The following GRM8 variants were observed in gnomAD, a reference collection of about 807,000 sequenced individuals.
The protein encoded by GRM8 is glutamate metabotropic receptor 8, also known as metabotropic glutamate receptor 8.
GRM8 carries 47 observed loss-of-function variants against 87.2 expected under a neutral mutation model. The ratio of observed to expected loss-of-function variants is 0.54; its 90% CI spans 0.43 to 0.69. GRM8 has a LOEUF of 0.69. Ranked by LOEUF, GRM8 falls within the 30% of genes least tolerant of loss-of-function variation. The pLI, the probability that GRM8 is intolerant of heterozygous loss-of-function variation, is 0.00. For missense variants in GRM8, 1,019 were observed against 1,139.2 expected (o/e 0.89, Z 1.52); for synonymous variants, 396 against 404.5 (o/e 0.98, Z 0.25).
chr7:126,478,639 A>G (rs536382520), intron 9 of GRM8, among the ~76,000 whole-genome samples: 2 of 152,272 alleles, frequency 1.3e-5, no homozygotes, highest in East Asian at 3.9e-4. Context: ...ATTGTCTTCA[A>G]AGTAGCCAAA....
At chr7:126,487,171 T>C (rs1734330951) in intron 9 of GRM8, among the ~76,000 whole-genome samples, 1 of 152,080 alleles carries the variant, frequency 6.6e-6, no homozygotes, top group South Asian at 2.1e-4. Context: ...ATATCTTTAG[T>C]TAGTGGCTTA....
At chr7:126,642,127 G>A (rs1434225048) in intron 7 of GRM8, among the ~76,000 whole-genome samples, 1 of 152,134 alleles carries the variant, frequency 6.6e-6, no homozygotes, top group Admixed American at 6.6e-5. Flanking sequence ...CTTCATTATT[G>A]TTACTATATC....
intron 6 of GRM8, among the ~76,000 whole-genome samples, chr7:126,839,564 A>G (rs1796093297): frequency 1.3e-5 from 2 of 152,216 alleles, no homozygotes; most frequent in South Asian, 4.1e-4. Context: ...CAGCTGAGAA[A>G]ATCTGATACT....
At position 126,596,739 on chromosome 7, in the gene GRM8, C is replaced by A. The variant is rs75219420; in HGVS notation, c.1494+12623G>T. The stretch of plus-strand genomic sequence containing the variant: ...TACATAGTATAAGCATATGCACTCA[C>A]ACACACAGAGGAATACAAGTAAAAC... On this transcript the variant is annotated intron_variant, in intron 8 of 10. Transcript: ENST00000339582. Among the ~76,000 whole-genome samples, 652 of 152,186 alleles carry A rather than the reference C, an allele frequency of 4.3e-3. 3 individuals are homozygous for A. The highest frequency in any genetic ancestry group is 0.015 in the African/African-American group (606 of 41,556).
At chr7:126,621,954 C>A (rs2151143812) in intron 7 of GRM8, among the ~76,000 whole-genome samples, 1 of 152,240 alleles carries the variant, frequency 6.6e-6, no homozygotes, top group Non-Finnish European at 1.5e-5. Flanking sequence ...TCTCCTATTC[C>A]TAGACATGTT....
chr7:126,855,317 T>C (rs1262971482), intron 6 of GRM8, among the ~76,000 whole-genome samples: 5 of 152,168 alleles, frequency 3.3e-5, no homozygotes, highest in Non-Finnish European at 5.9e-5. Context: ...TTGCATATTT[T>C]ATTTTAAATT....
intron 8 of GRM8, among the ~76,000 whole-genome samples, chr7:126,561,108 A>C (rs1053083778): frequency 6.6e-6 from 1 of 152,168 alleles, no homozygotes; most frequent in Non-Finnish European, 1.5e-5. Context: ...TCTTTATTTC[A>C]CTCAGGTTAA....
intron 3 of GRM8, among the ~76,000 whole-genome samples, chr7:127,022,619 T>C (rs1215472393): frequency 4.6e-5 from 7 of 151,940 alleles, no homozygotes; most frequent in Admixed American, 4.6e-4. Flanking sequence ...TCCAAGATCA[T>C]GACTTCTAGG....
intron 7 of GRM8, among the ~76,000 whole-genome samples, chr7:126,765,132 G>T (rs570660157): frequency 4.0e-5 from 6 of 150,430 alleles, no homozygotes; most frequent in Non-Finnish European, 7.4e-5. Flanking sequence ...AAAAAAAAAA[G>T]TTAGTTTTAA....
chr7:126,919,456 T>C (rs1804273479), intron 3 of GRM8, among the ~76,000 whole-genome samples: 1 of 152,180 alleles, frequency 6.6e-6, no homozygotes, highest in African/African-American at 2.4e-5. Flanking sequence ...CAGAAAACTT[T>C]TCCAATTCAA....
rs190218448 is a variant in GRM8 at position 126,852,599 on chromosome 7, G to C, written c.1156+49943C>G. 2.6e-3 allele frequency among the ~76,000 whole-genome samples: 396 copies of C among 152,262 alleles called. 1 individual carries two copies. The highest frequency in any genetic ancestry group is 4.3e-3 in the Non-Finnish European group (291 of 68,012). ...ACTAGAAAGATTAGAAATTGCTTTTGTGCCAAATTGGAACATTTAATAAAC... is the reference window on the plus strand; with the variant it reads ...ACTAGAAAGATTAGAAATTGCTTTTCTGCCAAATTGGAACATTTAATAAAC... On this transcript the variant is annotated intron_variant, in intron 6 of 10. Transcript: ENST00000339582.
At chr7:126,978,918 T>C (rs1811266470) in intron 3 of GRM8, among the ~76,000 whole-genome samples, 1 of 152,198 alleles carries the variant, frequency 6.6e-6, no homozygotes, top group Admixed American at 6.5e-5. Flanking sequence ...AGGAATTTAT[T>C]AATATTTCTT....
chr7:126,486,550 C>T (rs542826264), intron 9 of GRM8, among the ~76,000 whole-genome samples: 2 of 151,986 alleles, frequency 1.3e-5, no homozygotes, highest in Non-Finnish European at 2.9e-5. Flanking sequence ...TGGAACCATT[C>T]GTAAGCTACA....
intron 7 of GRM8, among the ~76,000 whole-genome samples, chr7:126,669,710 A>C (rs1806180364): frequency 6.6e-6 from 1 of 152,232 alleles, no homozygotes; most frequent in Admixed American, 6.5e-5. Flanking sequence ...TTCACCTTAA[A>C]GATAACAATT....
chr7:127,212,486 C>T (rs1257988006), intron 2 of GRM8, among the ~76,000 whole-genome samples: 2 of 138,584 alleles, frequency 1.4e-5, no homozygotes, highest in Non-Finnish European at 3.0e-5. Context: ...GGCGGGATCT[C>T]GGCTCACTGC....
chr7:127,247,049 C>A (rs1048961209), intron 1 of GRM8, among the ~76,000 whole-genome samples: 1 of 152,236 alleles, frequency 6.6e-6, no homozygotes, highest in Non-Finnish European at 1.5e-5. Flanking sequence ...TGCCCCTCCA[C>A]TGCAATCTTT....
chr7:126,668,239 CA>C (rs2151298788), intron 7 of GRM8, among the ~76,000 whole-genome samples: 1 of 152,256 alleles, frequency 6.6e-6, no homozygotes, highest in Admixed American at 6.5e-5. Flanking sequence ...ACTCACCATT[CA>C]AACTGTTTGT....
At chr7:127,051,274 T>C (rs561970939) in intron 3 of GRM8, among the ~76,000 whole-genome samples, 1 of 152,294 alleles carries the variant, frequency 6.6e-6, no homozygotes, top group East Asian at 1.9e-4. Context: ...AGCCCTCCAG[T>C]TGATTCTGAT....
intron 3 of GRM8, among the ~76,000 whole-genome samples, chr7:126,924,904 G>C (rs1421421778): frequency 6.6e-6 from 1 of 152,120 alleles, no homozygotes; most frequent in Non-Finnish European, 1.5e-5. Flanking sequence ...CAAGTCCCCA[G>C]TGAACGTCCT....
Sources: allele counts gnomAD v4.1 joint callset (sites outside exome capture counted in the v4.1 genomes callset), GRCh38; gene constraint gnomAD v4.1.1; transcripts MANE v1.5; gene names NCBI Gene and HGNC (gene_info 2026-07-23, HGNC 2026-07-21).